Variants in MPDZ observed in about 807,000 individuals in gnomAD.
The protein encoded by MPDZ is multiple PDZ domain protein.
Under a neutral mutation model 239.1 loss-of-function variants are expected in MPDZ, and 234 were observed. The ratio of observed to expected loss-of-function variants is 0.98; its 90% CI spans 0.88 to 1.09. MPDZ has a LOEUF of 1.09. Among genes scored for constraint, MPDZ ranks in the 50% least tolerant of loss-of-function variants. The probability of loss-of-function intolerance (pLI) is 0.00; values close to 1 mark genes in which losing one functional copy is unlikely to be tolerated. For synonymous variants in MPDZ, 1,048 were observed against 881.3 expected (o/e 1.19, Z -3.35); for missense variants, 3,175 against 2,510.0 (o/e 1.26, Z -5.66).
At chr9:13,111,361 C>T (rs2149549) in intron 43 of MPDZ, among the ~76,000 whole-genome samples, 149,466 of 152,324 alleles carry the variant, frequency 0.98, 73,394 homozygotes, top group Middle Eastern at 1. Context: ...GGATATCAAA[C>T]GAGGCTGAAC....
At chr9:13,146,718 A>C (rs544862378) in intron 26 of MPDZ, among the ~76,000 whole-genome samples, 9 of 152,024 alleles carry the variant, frequency 5.9e-5, no homozygotes, top group Admixed American at 6.6e-5. Context: ...GGGTATGTGA[A>C]TCCAAAATAC....
intron 2 of MPDZ, among the ~76,000 whole-genome samples, chr9:13,249,089 A>C (rs1967167534): frequency 6.9e-6 from 1 of 143,922 alleles, no homozygotes; most frequent in South Asian, 2.2e-4. Flanking sequence ...ATATGAACTG[A>C]TGTTGATCAT....
chr9:13,159,377 A>C (rs1464136132), intron 23 of MPDZ, among the ~76,000 whole-genome samples: 1 of 152,174 alleles, frequency 6.6e-6, no homozygotes, highest in African/African-American at 2.4e-5. Context: ...GGGCTCCTAG[A>C]GTCTAAGTCT....
chr9:13,254,965 C>G (rs1969067957), intron 1 of MPDZ, among the ~76,000 whole-genome samples: 1 of 152,118 alleles, frequency 6.6e-6, no homozygotes, highest in South Asian at 2.1e-4. Flanking sequence ...TTGATTGATT[C>G]TTCCTTTCAT....
At chr9:13,265,920 C>T (rs1488532864) in intron 1 of MPDZ, among the ~76,000 whole-genome samples, 1 of 152,122 alleles carries the variant, frequency 6.6e-6, no homozygotes, top group Admixed American at 6.5e-5. Flanking sequence ...CTTCAACATA[C>T]CTCCCCATCC....
intron 12 of MPDZ, among the ~76,000 whole-genome samples, chr9:13,197,287 G>C (rs1466773335): frequency 6.6e-6 from 1 of 151,842 alleles, no homozygotes; most frequent in Non-Finnish European, 1.5e-5. Context: ...ATATGTTCCA[G>C]TGTTTTTGTT....
At chr9:13,274,322 T>C (rs188375557) in intron 1 of MPDZ, among the ~76,000 whole-genome samples, 3 of 152,146 alleles carry the variant, frequency 2.0e-5, no homozygotes, top group African/African-American at 7.2e-5. Flanking sequence ...GTTTCATTTT[T>C]CACTTTCCCC....
chr9:13,175,837 A>C lies in MPDZ; in HGVS notation c.2970T>G (p.Cys990Trp). The change falls in exon 21 of 47, where the codon TGT becomes TGG. Residue 990 changes from cysteine to tryptophan, a missense_variant. By Grantham distance (215) the Cys-to-Trp change is radical. Coordinates refer to ENST00000319217, the MANE Select transcript of MPDZ (RefSeq NM_001378778.1). ...TTTGAAGCATGACACACTCAGCATTACAGGCCAGGGAGCTCTGTTCAAGCA... is the reference window on the plus strand; with the variant it reads ...TTTGAAGCATGACACACTCAGCATTCCAGGCCAGGGAGCTCTGTTCAAGCA... ...EYLLEQSSLA[C>W]NAECVMLQNV... 6.3e-7 allele frequency: 1 copy of C among 1,593,070 alleles called. No individual in the cohort carries two copies. The highest frequency in any genetic ancestry group is 8.6e-7 in the Non-Finnish European group (1 of 1,169,228).
intron 19 of MPDZ, among the ~76,000 whole-genome samples, chr9:13,180,864 T>C (rs902298766): frequency 3.9e-5 from 6 of 152,070 alleles, no homozygotes; most frequent in Non-Finnish European, 8.8e-5. Context: ...AGCAAATACA[T>C]ACTCTTAAAA....
chr9:13,148,441 G>A (rs915491633), intron 25 of MPDZ, among the ~76,000 whole-genome samples: 1 of 151,930 alleles, frequency 6.6e-6, no homozygotes, highest in Non-Finnish European at 1.5e-5. Context: ...CAACAAAAGA[G>A]TAAACCCAGA....
chr9:13,147,506 C>G (rs931561768), intron 26 of MPDZ, 42 bp downstream of exon 26: 2 of 1,453,774 alleles, frequency 1.4e-6, no homozygotes, highest in African/African-American at 2.8e-5. Context: ...CCAAGTTGAA[C>G]ACTGTTTGGA....
At chr9:13,115,216 G>A in intron 40 of MPDZ, 32 bp downstream of exon 40, 4 of 1,576,446 alleles carry the variant, frequency 2.5e-6, no homozygotes, top group Non-Finnish European at 3.5e-6. Context: ...CATGCCGATT[G>A]CATCGCCCTG....
At chr9:13,119,872 T>C (rs1944069520) in intron 38 of MPDZ, 7 of 548,120 alleles carry the variant, frequency 1.3e-5, no homozygotes, top group South Asian at 8.2e-5. Context: ...CCAATAAGCA[T>C]ATTTATTCTT....
At chr9:13,149,984 A>C (rs990236447) in intron 25 of MPDZ, among the ~76,000 whole-genome samples, 7 of 152,050 alleles carry the variant, frequency 4.6e-5, no homozygotes, top group Non-Finnish European at 1.0e-4. Context: ...TTGGAAAAAA[A>C]AAACTCATCC....
intron 22 of MPDZ, 44 bp downstream of exon 22, chr9:13,168,321 AT>A: frequency 6.5e-7 from 1 of 1,547,486 alleles, no homozygotes; most frequent in Non-Finnish European, 8.9e-7. Flanking sequence ...ATTAATTGAA[AT>A]TCCTGAATTT....
At chr9:13,109,130 T>C (rs1941993296) in intron 45 of MPDZ, 71 bp from the exon 46 acceptor site, 2 of 1,140,010 alleles carry the variant, frequency 1.8e-6, no homozygotes, top group Non-Finnish European at 2.2e-6. Context: ...TTATGAATTA[T>C]CTGACATCCA....
chr9:13,123,085 C>A, intron 36 of MPDZ, 68 bp downstream of exon 36: 1 of 1,466,816 alleles, frequency 6.8e-7, no homozygotes, highest in Non-Finnish European at 9.1e-7. Context: ...ATAGAAATCT[C>A]CCCATAATCG....
At chr9:13,117,720 G>A (rs1467470351) in intron 39 of MPDZ, among the ~76,000 whole-genome samples, 4 of 152,018 alleles carry the variant, frequency 2.6e-5, no homozygotes, top group Admixed American at 2.6e-4. Context: ...GTTGTGTATA[G>A]AGGATTATTT....
At chr9:13,113,155 G>T in intron 41 of MPDZ, 101 bp from the exon 42 acceptor site, 2 of 1,117,990 alleles carry the variant, frequency 1.8e-6, no homozygotes, top group Non-Finnish European at 2.5e-6. Context: ...GATAACCTAG[G>T]TTTCTTTTTT....
Sources: allele counts gnomAD v4.1 joint callset (sites outside exome capture counted in the v4.1 genomes callset), GRCh38; gene constraint gnomAD v4.1.1; transcripts MANE v1.5; gene names NCBI Gene and HGNC (gene_info 2026-07-23, HGNC 2026-07-21).